The following CSGALNACT1 variants were observed in gnomAD, a reference collection of about 807,000 sequenced individuals.
CSGALNACT1 encodes the protein chondroitin sulfate N-acetylgalactosaminyltransferase 1.
Under a neutral mutation model 51.0 loss-of-function variants are expected in CSGALNACT1, and 52 were observed. The ratio of observed to expected loss-of-function variants is 1.02; its 90% CI spans 0.82 to 1.29. The LOEUF is 1.29. Among genes scored for constraint, CSGALNACT1 ranks in the 50% most tolerant of loss-of-function variants. CSGALNACT1 has a pLI of 0.00. For missense variants in CSGALNACT1, 935 were observed against 679.2 expected (o/e 1.38, Z -4.19); for synonymous variants, 341 against 254.4 (o/e 1.34, Z -3.24).
chr8:19,737,657 A>C (rs962359228), intron 1 of CSGALNACT1, among the ~76,000 whole-genome samples: 3 of 152,186 alleles, frequency 2.0e-5, no homozygotes, highest in Non-Finnish European at 4.4e-5. Flanking sequence ...ATGAAACATA[A>C]AAGAAGTAGA....
intron 1 of CSGALNACT1, among the ~76,000 whole-genome samples, chr8:19,660,530 T>C (rs2058666880): frequency 6.6e-6 from 1 of 152,152 alleles, no homozygotes; most frequent in Admixed American, 6.5e-5. Flanking sequence ...TGCTTTGCCG[T>C]AGCCAGGTGA....
At chr8:19,522,016 G>A (rs974153477) in intron 3 of CSGALNACT1, among the ~76,000 whole-genome samples, 3 of 152,132 alleles carry the variant, frequency 2.0e-5, no homozygotes, top group Non-Finnish European at 2.9e-5. Context: ...GACATTACAG[G>A]CTCTGAGGTT....
At chr8:19,406,389 G>A (rs1563244157) in intron 9 of CSGALNACT1, among the ~76,000 whole-genome samples, 1 of 151,688 alleles carries the variant, frequency 6.6e-6, no homozygotes, top group African/African-American at 2.4e-5. Flanking sequence ...ACAAAAATAA[G>A]ATCTAGTATT....
At chr8:19,682,079 G>A (rs751735952) in intron 1 of CSGALNACT1, among the ~76,000 whole-genome samples, 3 of 152,220 alleles carry the variant, frequency 2.0e-5, no homozygotes, top group Non-Finnish European at 4.4e-5. Flanking sequence ...AACTTGAGGA[G>A]TCTGAGAATT....
intron 3 of CSGALNACT1, among the ~76,000 whole-genome samples, chr8:19,528,701 T>C (rs1331807063): frequency 1.3e-5 from 2 of 152,158 alleles, no homozygotes; most frequent in Non-Finnish European, 2.9e-5. Flanking sequence ...CAACACCCTC[T>C]TACTAGGATA....
intron 1 of CSGALNACT1, among the ~76,000 whole-genome samples, chr8:19,658,419 G>C (rs1279215900): frequency 2.0e-5 from 3 of 152,160 alleles, no homozygotes; most frequent in African/African-American, 7.2e-5. Context: ...ACTAAGAAAA[G>C]TCAAAGAGAG....
At chr8:19,593,555 G>A (rs1304435735) in intron 2 of CSGALNACT1, among the ~76,000 whole-genome samples, 1 of 152,188 alleles carries the variant, frequency 6.6e-6, no homozygotes, top group East Asian at 1.9e-4. Flanking sequence ...ATGACCCTTT[G>A]CATGCTGGGA....
At chr8:19,627,808 C>T (rs932324373) in intron 1 of CSGALNACT1, among the ~76,000 whole-genome samples, 1 of 152,128 alleles carries the variant, frequency 6.6e-6, no homozygotes, top group Non-Finnish European at 1.5e-5. Context: ...ACCTGGGTGA[C>T]AGAGCAAGAC....
At chr8:19,439,842 T>A (rs62496176) in exon 6 of CSGALNACT1, 1 of 1,612,646 alleles carries the variant, frequency 6.2e-7, no homozygotes, top group South Asian at 1.1e-5. Context: ...GGAAGTGTTT[T>A]CAAGTATTCC....
At chr8:19,751,779 C>G (rs1589826485) in intron 1 of CSGALNACT1, among the ~76,000 whole-genome samples, 1 of 152,194 alleles carries the variant, frequency 6.6e-6, no homozygotes, top group East Asian at 1.9e-4. Flanking sequence ...CCTTGGCTCT[C>G]TCTCTCCTGT....
chr8:19,735,491 G>T (rs2063920014), intron 1 of CSGALNACT1, among the ~76,000 whole-genome samples: 1 of 151,380 alleles, frequency 6.6e-6, no homozygotes, highest in Admixed American at 6.6e-5. Context: ...TCTCAGGAGG[G>T]AAAGCTGTCA....
At chr8:19,696,555 A>G (rs936473097) in intron 1 of CSGALNACT1, among the ~76,000 whole-genome samples, 3 of 152,200 alleles carry the variant, frequency 2.0e-5, no homozygotes, top group Non-Finnish European at 4.4e-5. Context: ...CAGTAGCTAC[A>G]GTGGTTATGA....
chr8:19,590,915 T>C (rs972611957), intron 3 of CSGALNACT1, among the ~76,000 whole-genome samples: 4 of 152,100 alleles, frequency 2.6e-5, no homozygotes, highest in East Asian at 1.9e-4. Context: ...CCTCCCAAAG[T>C]GCTAGGATTA....
At chr8:19,411,917 G>A (rs958557783) in intron 8 of CSGALNACT1, among the ~76,000 whole-genome samples, 1 of 148,946 alleles carries the variant, frequency 6.7e-6, no homozygotes, top group African/African-American at 2.5e-5. Context: ...TGCAACCTCC[G>A]CCTCCTGGGT....
intron 1 of CSGALNACT1, among the ~76,000 whole-genome samples, chr8:19,670,671 A>AAAAAAAAAAAAAAAAAC (rs2059730905): frequency 6.7e-6 from 1 of 149,180 alleles, no homozygotes; most frequent in African/African-American, 2.4e-5. Context: ...AAAAAAAAAA[A>AAAAAAAAAAAAAAAAAC]AAGAGAAAAT....
At chr8:19,606,369 T>C (rs2051368514), upstream of CSGALNACT1, among the ~76,000 whole-genome samples, 1 of 152,236 alleles carries the variant, frequency 6.6e-6, no homozygotes, top group Non-Finnish European at 1.5e-5. Flanking sequence ...TCAGGAACTA[T>C]ACAGACAACT....
At chr8:19,497,458 C>T (rs2075688384) in intron 4 of CSGALNACT1, among the ~76,000 whole-genome samples, 1 of 152,136 alleles carries the variant, frequency 6.6e-6, no homozygotes. Context: ...TCCTACCTCC[C>T]CCGACCACAT....
chr8:19,594,305 T>G (rs2048441024), intron 2 of CSGALNACT1, among the ~76,000 whole-genome samples: 1 of 151,636 alleles, frequency 6.6e-6, no homozygotes, highest in African/African-American at 2.4e-5. Context: ...GAAGTGAGAG[T>G]CTCAAGGACA....
intron 3 of CSGALNACT1, among the ~76,000 whole-genome samples, chr8:19,540,406 ACC>A (rs1481933779): frequency 8.5e-5 from 13 of 152,112 alleles, no homozygotes; most frequent in Non-Finnish European, 1.8e-4. Flanking sequence ...CTGGATTCGT[ACC>A]CCATCGGCTC....
Sources: gnomAD v4.1 joint callset for allele counts (sites outside exome capture counted in the v4.1 genomes callset) on GRCh38, gnomAD v4.1.1 for gene constraint, MANE v1.5 for transcripts, NCBI Gene and HGNC (gene_info 2026-07-23, HGNC 2026-07-21) for gene names.